Variants in SLC9A9 observed in about 807,000 individuals in gnomAD.
SLC9A9 encodes the protein solute carrier family 9 member A9.
SLC9A9 carries 62 observed loss-of-function variants against 77.8 expected under a neutral mutation model. The ratio of observed to expected loss-of-function variants is 0.80; its 90% CI spans 0.65 to 0.98. The LOEUF (loss-of-function observed/expected upper bound fraction) is 0.98. SLC9A9 is among the 50% of genes least tolerant of loss of function. The probability of loss-of-function intolerance (pLI) is 0.00; values close to 1 mark genes in which losing one functional copy is unlikely to be tolerated. For missense variants in SLC9A9, 775 were observed against 774.9 expected, an observed-to-expected ratio of 1.00 and a Z score of 0.00; for synonymous variants, 320 against 283.5, an observed-to-expected ratio of 1.13 and a Z score of -1.29.
chr3:143,283,548 A>C (rs1938287629), intron 14 of SLC9A9, among the ~76,000 whole-genome samples: 1 of 152,196 alleles, frequency 6.6e-6, no homozygotes, highest in African/African-American at 2.4e-5. Context: ...CTCCTCAGGC[A>C]TATCTGTGAG....
chr3:143,713,718 A>G (rs1934257462), intron 4 of SLC9A9, among the ~76,000 whole-genome samples: 1 of 152,182 alleles, frequency 6.6e-6, no homozygotes, highest in Non-Finnish European at 1.5e-5. Context: ...GAAGTAGGAC[A>G]AAATAAACAA....
At chr3:143,613,719 CT>C (rs11294186) in intron 6 of SLC9A9, among the ~76,000 whole-genome samples, 47,049 of 148,364 alleles carry the variant, frequency 0.32, 7,692 homozygotes, top group African/African-American at 0.42. Context: ...ACATGCCTCT[CT>C]TTTTTTTTTT....
At chr3:143,315,220 A>G (rs1292998235) in intron 14 of SLC9A9, among the ~76,000 whole-genome samples, 2 of 152,238 alleles carry the variant, frequency 1.3e-5, no homozygotes, top group Non-Finnish European at 2.9e-5. Flanking sequence ...AAGTTGTAGT[A>G]TATCTTCTGG....
At chr3:143,812,953 T>A (rs2008909238) in intron 2 of SLC9A9, among the ~76,000 whole-genome samples, 1 of 152,234 alleles carries the variant, frequency 6.6e-6, no homozygotes, top group Admixed American at 6.5e-5. Context: ...GTTGTATTTT[T>A]TTAAAGAAGG....
At chr3:143,356,376 T>C (rs912972402) in intron 14 of SLC9A9, among the ~76,000 whole-genome samples, 39 of 152,144 alleles carry the variant, frequency 2.6e-4, no homozygotes, top group African/African-American at 8.7e-4. Context: ...TCATTCCTAT[T>C]ATGTGGAAGA....
At chr3:143,739,589 A>G (rs1018371155) in intron 4 of SLC9A9, among the ~76,000 whole-genome samples, 1 of 152,278 alleles carries the variant, frequency 6.6e-6, no homozygotes, top group African/African-American at 2.4e-5. Context: ...TTTATGATCA[A>G]TAACCACAAT....
intron 4 of SLC9A9, among the ~76,000 whole-genome samples, chr3:143,711,947 A>T (rs941549471): frequency 6.6e-6 from 1 of 152,186 alleles, no homozygotes; most frequent in African/African-American, 2.4e-5. Flanking sequence ...TATTTCTGAC[A>T]ATCACCTAGT....
At chr3:143,490,291 T>C (rs969446020) in intron 11 of SLC9A9, among the ~76,000 whole-genome samples, 4 of 152,262 alleles carry the variant, frequency 2.6e-5, no homozygotes, top group Admixed American at 2.6e-4. Flanking sequence ...GATAGATGAA[T>C]AGATAAGTAA....
intron 14 of SLC9A9, among the ~76,000 whole-genome samples, chr3:143,291,285 C>T (rs541330721): frequency 4.9e-4 from 75 of 152,326 alleles, no homozygotes; most frequent in African/African-American, 1.7e-3. Context: ...TCAGTTTCTG[C>T]TCGTCGAAGT....
chr3:143,348,333 T>C (rs2032356645), intron 14 of SLC9A9, among the ~76,000 whole-genome samples: 1 of 152,230 alleles, frequency 6.6e-6, no homozygotes. Flanking sequence ...TGTTGGACTT[T>C]ATTCCATTTA....
chr3:143,621,677 G>GA (rs1284842914), intron 6 of SLC9A9, among the ~76,000 whole-genome samples: 1 of 152,178 alleles, frequency 6.6e-6, no homozygotes, highest in East Asian at 1.9e-4. Flanking sequence ...AAACAGAGCA[G>GA]AAAAACTGGA....
chr3:143,578,844 T>G (rs114363147), intron 6 of SLC9A9, 121 bp from the exon 7 acceptor site: 370 of 1,201,206 alleles, frequency 3.1e-4, no homozygotes, highest in Admixed American at 4.3e-4. Flanking sequence ...GTTGGAAGAG[T>G]TAGGGGAAAA....
intron 4 of SLC9A9, among the ~76,000 whole-genome samples, chr3:143,770,181 T>C (rs548594553): frequency 1.3e-5 from 2 of 152,168 alleles, no homozygotes; most frequent in South Asian, 2.1e-4. Flanking sequence ...GGGTGAAAGA[T>C]TGAACAGGTA....
intron 11 of SLC9A9, among the ~76,000 whole-genome samples, chr3:143,476,506 T>C (rs2035479827): frequency 6.6e-6 from 1 of 152,256 alleles, no homozygotes; most frequent in Non-Finnish European, 1.5e-5. Context: ...TAGATGCCTC[T>C]GGCTTTGGAA....
intron 14 of SLC9A9, among the ~76,000 whole-genome samples, chr3:143,285,182 C>T (rs550285448): frequency 6.6e-6 from 1 of 152,270 alleles, no homozygotes; most frequent in South Asian, 2.1e-4. Context: ...TTGCTGCTCC[C>T]ATCAACCTGT....
At chr3:143,483,544 A>G (rs1430221586) in intron 11 of SLC9A9, among the ~76,000 whole-genome samples, 1 of 152,184 alleles carries the variant, frequency 6.6e-6, no homozygotes, top group Non-Finnish European at 1.5e-5. Flanking sequence ...AAGCTTATAA[A>G]TTTTGAGGCC....
intron 14 of SLC9A9, among the ~76,000 whole-genome samples, chr3:143,303,617 T>C (rs2030635494): frequency 1.3e-5 from 2 of 152,186 alleles, no homozygotes; most frequent in African/African-American, 4.8e-5. Context: ...ATGATTACTT[T>C]GGAAAGATAT....
chr3:143,673,746 T>C (rs531905663), intron 5 of SLC9A9, among the ~76,000 whole-genome samples: 4 of 152,112 alleles, frequency 2.6e-5, no homozygotes, highest in African/African-American at 9.6e-5. Context: ...TCAATATGTC[T>C]AGGGGGGCAG....
chr3:143,601,669 G>A (rs558844852), intron 6 of SLC9A9, among the ~76,000 whole-genome samples: 11 of 152,292 alleles, frequency 7.2e-5, no homozygotes, highest in African/African-American at 2.6e-4. Context: ...TGCCAACTCA[G>A]CGCTGCAGAT....
Sources: gnomAD v4.1 joint callset for allele counts (sites outside exome capture counted in the v4.1 genomes callset) on GRCh38, gnomAD v4.1.1 for gene constraint, MANE v1.5 for transcripts, NCBI Gene and HGNC (gene_info 2026-07-23, HGNC 2026-07-21) for gene names.